The following NBEAL2 variants were observed in gnomAD, a reference collection of about 807,000 sequenced individuals.
The protein encoded by NBEAL2 is neurobeachin-like protein 2.
A neutral mutation model predicts 299.8 loss-of-function variants in NBEAL2; 160 were observed. The ratio of observed to expected loss-of-function variants is 0.53; its 90% CI spans 0.47 to 0.61. The LOEUF is 0.61. Among genes scored for constraint, NBEAL2 ranks in the 20% least tolerant of loss-of-function variants. The pLI is 0.00. For missense variants in NBEAL2, 3,112 were observed against 3,649.0 expected, an observed-to-expected ratio of 0.85 and a Z score of 3.79; for synonymous variants, 1,493 against 1,542.3, an observed-to-expected ratio of 0.97 and a Z score of 0.75.
At position 46,984,377 on chromosome 3, in the gene NBEAL2, A is replaced by G. The variant is rs190198253; in HGVS notation, c.52-4292A>G. Among the ~76,000 whole-genome samples the G allele has an allele frequency of 1.7e-3, 258 of 152,146 alleles. 2 individuals carry two copies. The highest frequency in any genetic ancestry group is 3.4e-3 in the Middle Eastern group (1 of 292). ...CCCTGGGGCAGGGTGGGTGTCATGG[A>G]GATCAGAAGGTCCACCCTTTCAGCA... On this transcript the variant is annotated intron_variant, in intron 1 of 53. Coordinates refer to ENST00000450053, the MANE Select transcript of NBEAL2 (RefSeq NM_015175.3).
In NBEAL2 at chr3:47,008,344, T is replaced by A. The variant is rs1382474356; in HGVS notation, c.7781T>A (p.Leu2594Gln). The A allele has an allele frequency of 2.5e-6, 4 of 1,613,500 alleles. No homozygotes were observed. ...RGQFVAALRP[L>Q]GATFPGPIFH... ...CAGTTTGTAGCGGCACTACGGCCTC[T>A]GGGTGCCACATTCCCTGGACCTATT... The change falls in exon 51 of 54, where the codon CTG becomes CAG. Residue 2594 changes from leucine to glutamine, a missense_variant. Leu to Gln is a moderately radical substitution (Grantham distance 113). Transcript: ENST00000450053.
In NBEAL2 at chr3:46,995,117, C is replaced by T. The variant is rs1342295061; in HGVS notation, c.1382C>T (p.Ser461Leu). ...PVLVLAQWLPSLPTAELRLFL... is the reference protein window; with the variant it reads ...PVLVLAQWLPLLPTAELRLFL... ...CTGGTGCTGGCGCAGTGGCTGCCGT[C>T]ATTGCCCACCGCTGAGCTGCGGCTC... The change falls in exon 13 of 54, where the codon TCA becomes TTA. Residue 461 changes from serine to leucine, a missense_variant. By Grantham distance (145) the Ser-to-Leu change is moderately radical. Coordinates refer to ENST00000450053, the MANE Select transcript of NBEAL2 (RefSeq NM_015175.3). 9 of 1,574,320 alleles carry T rather than the reference C, an allele frequency of 5.7e-6. No homozygotes were observed. Among genetic ancestry groups the T allele is most frequent in the Non-Finnish European group, 6.0e-6 (7 of 1,159,920 alleles).
In NBEAL2 at chr3:46,991,085, C is replaced by T. The variant is rs2107307757; in HGVS notation, c.557-134C>T. The T allele has an allele frequency of 1.4e-6, 1 of 740,000 alleles. No individual in the cohort carries two copies. Among genetic ancestry groups the T allele is most frequent in the Non-Finnish European group, 2.3e-6 (1 of 429,204 alleles). 45.8% of individuals were successfully genotyped at this position (740,000 alleles called of 1,614,324 possible). On this transcript the variant is annotated intron_variant, in intron 6 of 53. Coordinates refer to ENST00000450053, the MANE Select transcript of NBEAL2 (RefSeq NM_015175.3). This position sits in a 1 kb window ranked among gnomAD's most constrained non-coding sequence, Gnocchi z 6.2. ...CCCCCAGGGCAGAGCCAGCTCTTATCCCTCACACTGGATCTTTTACTTGGC... is the reference window on the plus strand; with the variant it reads ...CCCCCAGGGCAGAGCCAGCTCTTATTCCTCACACTGGATCTTTTACTTGGC...
Position 46,989,312 on chromosome 3 carries a change from C to A in NBEAL2, c.404C>A (p.Ala135Asp). Residue 135 changes from alanine to aspartate, a missense_variant, in exon 5 of 54, where the codon GCC becomes GAC. Coordinates refer to ENST00000450053, the MANE Select transcript of NBEAL2 (RefSeq NM_015175.3). The surrounding 1 kb of genome is among the most constrained non-coding windows in gnomAD (Gnocchi z 5.5). ...CGAGGCACGCAGTTGGAGAATGTGGCCCTACATGCTCTGCTTCTCTGCGAG... is the reference window on the plus strand; with the variant it reads ...CGAGGCACGCAGTTGGAGAATGTGGACCTACATGCTCTGCTTCTCTGCGAG... ...QGRGTQLENV[A>D]LHALLLCEGL... 6.2e-7 allele frequency: 1 copy of A among 1,603,804 alleles called. No homozygotes were observed. The highest frequency in any genetic ancestry group is 8.5e-7 in the Non-Finnish European group (1 of 1,175,274).
intron 22 of NBEAL2, 70 bp downstream of exon 22, chr3:46,998,635 G>T (rs2036695033): frequency 3.8e-6 from 6 of 1,564,004 alleles, no homozygotes; most frequent in African/African-American, 2.7e-5. Context: ...GGACTGGGCG[G>T]TGCGCTTCCC....
At chr3:46,990,602 C>G (rs1250503985) in intron 6 of NBEAL2, among the ~76,000 whole-genome samples, 2 of 152,258 alleles carry the variant, frequency 1.3e-5, no homozygotes, top group Non-Finnish European at 2.9e-5. Context: ...CCCAGCCCTA[C>G]TCTTCCTCCT....
Position 46,987,571 on chromosome 3 carries a change from G to A in NBEAL2, c.52-1098G>A, listed in dbSNP as rs2035751895. Among the ~76,000 whole-genome samples the A allele has an allele frequency of 2.6e-5, 4 of 152,352 alleles. No homozygotes were observed. In the East Asian group the frequency reaches 7.7e-4, roughly 29 times the overall value. On this transcript the variant is annotated intron_variant, in intron 1 of 53. Coordinates refer to ENST00000450053, the MANE Select transcript of NBEAL2 (RefSeq NM_015175.3). ...AAGAGAACTGCAGAGTTCAGATGAGGTGGCCAGGACATGGCGGGCGGCGGG... is the reference window on the plus strand; with the variant it reads ...AAGAGAACTGCAGAGTTCAGATGAGATGGCCAGGACATGGCGGGCGGCGGG...
At chr3:46,996,110 G>T in intron 15 of NBEAL2, 59 bp downstream of exon 15, 1 of 1,557,962 alleles carries the variant, frequency 6.4e-7, no homozygotes, top group South Asian at 1.2e-5. Context: ...GAACACAGTG[G>T]GCAGGTGTAG....
rs770749260 is a variant in NBEAL2, at chr3:46,991,989, G to A, written c.1032+43G>A. The A allele has an allele frequency of 4.0e-6, 6 of 1,515,800 alleles. No individual in the cohort carries two copies. The African/African-American group carries it at 5.5e-5, about 14-fold the overall frequency. 93.9% of individuals were successfully genotyped at this position (1,515,800 alleles called of 1,614,324 possible). On this transcript the variant is annotated intron_variant, in intron 9 of 53. Transcript: ENST00000450053. This position sits in a 1 kb window ranked among gnomAD's most constrained non-coding sequence, Gnocchi z 6.2. ...TGGGGGTGAGGGTCTGGAAGCCAGA[G>A]GCTAGGGGAGCCACGCATAGGTGCC...
intron 45 of NBEAL2, 118 bp downstream of exon 45, chr3:47,006,567 C>G: frequency 9.9e-7 from 1 of 1,009,398 alleles, no homozygotes; most frequent in Non-Finnish European, 1.5e-6. Flanking sequence ...TTCAAGGCAC[C>G]TTAGAAAATG....
Position 47,000,877 on chromosome 3 carries a change from A to C in NBEAL2, c.4306-124A>C, listed in dbSNP as rs2036921306. The C allele has an allele frequency of 7.1e-7, 1 of 1,410,036 alleles. No homozygotes were observed. Among genetic ancestry groups the C allele is most frequent in the Non-Finnish European group, 9.6e-7 (1 of 1,037,840 alleles). The allele number at this position is 1,410,036 out of a possible 1,614,324, so 87.3% of individuals were successfully genotyped here. On this transcript the variant is annotated intron_variant, in intron 27 of 53. Coordinates refer to ENST00000450053, the MANE Select transcript of NBEAL2 (RefSeq NM_015175.3). The surrounding 1 kb of genome is among the most constrained non-coding windows in gnomAD (Gnocchi z 4.5). Reference sequence around the variant, plus strand: ...CTTAGTGCCAGGCTCACTGTTAGCCAAATGCTCTGACTCCTGGGTGGCTAC... The same window carrying C: ...CTTAGTGCCAGGCTCACTGTTAGCCCAATGCTCTGACTCCTGGGTGGCTAC...
intron 43 of NBEAL2, 31 bp from the exon 44 acceptor site, chr3:47,006,134 G>GGA: frequency 6.2e-7 from 1 of 1,613,080 alleles, no homozygotes; most frequent in Non-Finnish European, 8.5e-7. Context: ...GGGCACGCAG[G>GGA]GAGCCCTGAC....
chr3:47,006,516 A>C, intron 45 of NBEAL2, 67 bp downstream of exon 45: 2 of 1,397,588 alleles, frequency 1.4e-6, no homozygotes, highest in Non-Finnish European at 2.0e-6. Context: ...GTCCTTACCA[A>C]CCACGTGGGG....
rs2035443255 is a variant in NBEAL2 at position 46,982,924 on chromosome 3, G to C, written c.51+3012G>C. On this transcript the variant is annotated intron_variant, in intron 1 of 53. Transcript: ENST00000450053. The surrounding 1 kb of genome is among the most constrained non-coding windows in gnomAD (Gnocchi z 4.2). The stretch of plus-strand genomic sequence containing the variant: ...GGGGGACTGGGGACAGCACCTGACA[G>C]GCTGGCGGTTGGGCAGCCCATAAAA... Among the ~76,000 whole-genome samples the C allele has an allele frequency of 6.6e-6, 1 of 152,198 alleles. No homozygotes were observed. Among genetic ancestry groups the C allele is most frequent in the African/African-American group, 2.4e-5 (1 of 41,440 alleles).
rs2037147244 is a variant in NBEAL2 at position 47,003,002 on chromosome 3, T to C, written c.5505T>C (p.Tyr1835=). ...PRWKLSSAET[Y]SRMRLKLVPN... ...GGAAACTGTCCAGCGCCGAGACATATTCACGCATGCGTCTGAAGCTGGTGC... is the reference window on the plus strand; with the variant it reads ...GGAAACTGTCCAGCGCCGAGACATACTCACGCATGCGTCTGAAGCTGGTGC... The change falls in exon 34 of 54, where the codon TAT becomes TAC. Residue 1835 remains tyrosine, a synonymous_variant. Transcript: ENST00000450053. This position sits in a 1 kb window ranked among gnomAD's most constrained non-coding sequence, Gnocchi z 7.0. 1 of 1,613,498 alleles carries C rather than the reference T, an allele frequency of 6.2e-7. No homozygotes were observed. Among genetic ancestry groups the C allele is most frequent in the Non-Finnish European group, 8.5e-7 (1 of 1,179,836 alleles).
At chr3:46,992,626 C>T in intron 10 of NBEAL2, 71 bp downstream of exon 10, 1 of 1,400,648 alleles carries the variant, frequency 7.1e-7, no homozygotes, top group East Asian at 2.5e-5. Context: ...TGCACTATAG[C>T]TGGGGAAATG....
chr3:46,994,522 C>T lies in NBEAL2; in HGVS notation c.1265C>T (p.Thr422Ile), dbSNP rs1241077718. 6.3e-7 allele frequency: 1 copy of T among 1,591,138 alleles called. No individual in the cohort carries two copies. Among genetic ancestry groups the T allele is most frequent in the East Asian group, 2.3e-5 (1 of 44,176 alleles). Reference protein sequence around the residue: ...QEVLQSHGPPTHRLLQELLNM... With the variant: ...QEVLQSHGPPIHRLLQELLNM... Reference sequence around the variant, plus strand: ...GTTCTGCAGAGCCATGGTCCCCCCACCCATCGGCTGTTGCAAGAGCTGCTC... The same window carrying T: ...GTTCTGCAGAGCCATGGTCCCCCCATCCATCGGCTGTTGCAAGAGCTGCTC... The change falls in exon 12 of 54, where the codon ACC becomes ATC. Residue 422 changes from threonine (T) to isoleucine (I), a missense_variant. Around this residue, in one of 3 missense-constraint regions of NBEAL2, gnomAD observed 2,243 missense variants for 2,538.1 expected, o/e 0.88. Coordinates refer to ENST00000450053, the MANE Select transcript of NBEAL2 (RefSeq NM_015175.3).
In NBEAL2 at chr3:47,005,055, C is replaced by T. The variant is rs187781607; in HGVS notation, c.6378C>T (p.Ile2126=). The T allele has an allele frequency of 4.6e-4, 749 of 1,613,664 alleles. 6 individuals carry two copies. In the East Asian group the frequency reaches 0.015, roughly 33 times the overall value. The part of the protein sequence containing the change: ...PAVFRDLSKP[I]GVVNPKHAQL... ...TCTTCCGGGACCTGTCTAAGCCCAT[C>T]GGTGTGGTGAACCCCAAGCATGCCC... Residue 2126 remains isoleucine (I), a synonymous_variant, in exon 39 of 54, where the codon ATC becomes ATT. Coordinates refer to ENST00000450053, the MANE Select transcript of NBEAL2 (RefSeq NM_015175.3).
Position 46,988,654 on chromosome 3 carries a change from C to T in NBEAL2, c.52-15C>T. 6.2e-7 allele frequency: 1 copy of T among 1,611,986 alleles called. No individual in the cohort carries two copies. The highest frequency in any genetic ancestry group is 8.5e-7 in the Non-Finnish European group (1 of 1,178,098). On this transcript the variant is annotated splice_polypyrimidine_tract_variant and intron_variant, in intron 1 of 53. Transcript: ENST00000450053. This position sits in a 1 kb window ranked among gnomAD's most constrained non-coding sequence, Gnocchi z 4.4. ...CCTCCTGCCCCCCACCACTGTTCCC[C>T]TGTTCTGCCTACAGAAGGACCTGGG...
Sources: gnomAD v4.1 joint callset for allele counts (sites outside exome capture counted in the v4.1 genomes callset) on GRCh38, gnomAD v4.1.1 for gene constraint, gnomAD v4.1.1 regional missense constraint, Gnocchi (gnomAD v3.1) non-coding constraint, MANE v1.5 for transcripts, NCBI Gene and HGNC (gene_info 2026-07-23, HGNC 2026-07-21) for gene names.